RIN3: variants seen among roughly 807,000 people sequenced by gnomAD.
RIN3 encodes the protein Ras and Rab interactor 3.
RIN3 carries 54 observed loss-of-function variants against 76.3 expected under a neutral mutation model. The observed-to-expected ratio is 0.71, with a 90% confidence interval of 0.57 to 0.89. The LOEUF is 0.89. Ranked by LOEUF, RIN3 falls within the 40% of genes least tolerant of loss-of-function variation. RIN3 has a pLI of 0.00. For missense variants in RIN3, 1,256 were observed against 1,322.1 expected (o/e 0.95, Z 0.78); for synonymous variants, 576 against 564.0 (o/e 1.02, Z -0.30).
intron 1 of RIN3, among the ~76,000 whole-genome samples, chr14:92,550,363 T>C (rs1897390463): frequency 6.6e-6 from 1 of 152,242 alleles, no homozygotes; most frequent in Non-Finnish European, 1.5e-5. Flanking sequence ...CCCTCTTAAA[T>C]AAAGACAATT....
chr14:92,655,432 G>A (rs542531296), intron 6 of RIN3, among the ~76,000 whole-genome samples: 3 of 152,202 alleles, frequency 2.0e-5, no homozygotes, highest in Non-Finnish European at 4.4e-5. Flanking sequence ...ATTAGTGAGT[G>A]CATGTGGATG....
At chr14:92,552,415 G>C (rs1897452856) in intron 1 of RIN3, among the ~76,000 whole-genome samples, 2 of 152,274 alleles carry the variant, frequency 1.3e-5, no homozygotes, top group East Asian at 3.9e-4. Flanking sequence ...TCTTGCCAAG[G>C]AAGCCTGAGC....
At chr14:92,603,086 C>T (rs1885401965) in intron 3 of RIN3, among the ~76,000 whole-genome samples, 1 of 152,220 alleles carries the variant, frequency 6.6e-6, no homozygotes, top group Admixed American at 6.5e-5. Flanking sequence ...GCACTCGGCC[C>T]AGGGCCCTGG....
intron 7 of RIN3, among the ~76,000 whole-genome samples, chr14:92,664,630 A>G (rs138842584): frequency 0.025 from 3,830 of 151,908 alleles, 175 homozygotes; most frequent in African/African-American, 0.088. Context: ...TCGGCCTCCC[A>G]AAGTGCTGGG....
chr14:92,582,864 C>T (rs936623663), intron 3 of RIN3, among the ~76,000 whole-genome samples: 3 of 152,132 alleles, frequency 2.0e-5, no homozygotes, highest in African/African-American at 7.2e-5. Flanking sequence ...GTTTCTTTGC[C>T]GAGTTAATGT....
At chr14:92,668,232 C>T (rs1335890586) in intron 7 of RIN3, among the ~76,000 whole-genome samples, 1 of 152,196 alleles carries the variant, frequency 6.6e-6, no homozygotes, top group African/African-American at 2.4e-5. Context: ...GACTTGAACC[C>T]GGGTCCTTTG....
intron 2 of RIN3, among the ~76,000 whole-genome samples, chr14:92,562,135 G>C (rs1303906027): frequency 1.3e-5 from 2 of 152,224 alleles, no homozygotes; most frequent in Non-Finnish European, 2.9e-5. Flanking sequence ...ACAGTGATCA[G>C]GTATTTTGTA....
rs369913502 is a variant in RIN3, at chr14:92,676,541, C to A, written c.2402C>A (p.Thr801Lys). 6.8e-6 allele frequency: 11 copies of A among 1,614,022 alleles called. No homozygotes were observed. Among genetic ancestry groups the A allele is most frequent in the Non-Finnish European group, 9.3e-6 (11 of 1,180,024 alleles). The change falls in exon 8 of 10, where the codon ACG (threonine) becomes AAG (lysine). Residue 801 changes from threonine to lysine, a missense_variant. Coordinates refer to ENST00000216487, the MANE Select transcript of RIN3 (RefSeq NM_024832.5). Reference protein sequence around the residue: ...LMYVLARSNLTEMLLNVEYMM... With the variant: ...LMYVLARSNLKEMLLNVEYMM... ...TATGTGCTGGCCCGCAGCAACCTCA[C>A]GGAGATGCTTCTCAATGTGGAGTAC...
chr14:92,570,212 G>A lies in RIN3; in HGVS notation c.250-7148G>A, dbSNP rs189005457. Among the ~76,000 whole-genome samples the A allele has an allele frequency of 3.3e-5, 5 of 152,212 alleles. No homozygotes were observed. In the East Asian group the frequency reaches 9.7e-4, roughly 30 times the overall value. ...CTCCCACCCTGGCTCAGGGCCAGGG[G>A]TCAAAGTTTGCCTTCCCAGGGGCAC... is the stretch of plus-strand genomic sequence containing the variant. On this transcript the variant is annotated intron_variant, in intron 2 of 9. Transcript: ENST00000216487.
chr14:92,660,607 C>T (rs1331629432), intron 7 of RIN3, among the ~76,000 whole-genome samples: 1 of 152,226 alleles, frequency 6.6e-6, no homozygotes, highest in Non-Finnish European at 1.5e-5. Context: ...GCCTGCAAGG[C>T]CCATCGAGGC....
At chr14:92,604,894 C>T (rs1391693361) in intron 3 of RIN3, among the ~76,000 whole-genome samples, 1 of 139,926 alleles carries the variant, frequency 7.1e-6, no homozygotes, top group East Asian at 2.1e-4. Context: ...TGTCAATTTC[C>T]TTATCCATTT....
intron 3 of RIN3, among the ~76,000 whole-genome samples, chr14:92,597,138 G>T (rs1160966861): frequency 6.7e-6 from 1 of 149,806 alleles, no homozygotes; most frequent in Non-Finnish European, 1.5e-5. Flanking sequence ...CATGATGTGT[G>T]TGTGGGTCAA....
At position 92,643,699 on chromosome 14, in the gene RIN3, G is replaced by A. The variant is rs531034416; in HGVS notation, c.532+2370G>A. ...TCTCAGCACTTTGGGAGGCCGAGGC[G>A]GGCAGATAACCTGAAGTCAGGAGTT... On this transcript the variant is annotated intron_variant, in intron 5 of 9. Transcript: ENST00000216487. The surrounding 1 kb of genome is among the most constrained non-coding windows in gnomAD (Gnocchi z 4.8). 7.9e-5 allele frequency among the ~76,000 whole-genome samples: 12 copies of A among 152,268 alleles called. No individual in the cohort carries two copies. In the South Asian group the frequency reaches 1.7e-3, roughly 21 times the overall value.
intron 3 of RIN3, among the ~76,000 whole-genome samples, chr14:92,592,464 C>T (rs1885013974): frequency 6.6e-6 from 1 of 150,846 alleles, no homozygotes; most frequent in Non-Finnish European, 1.5e-5. Flanking sequence ...TCCAGGACCA[C>T]CTTCACAATT....
chr14:92,561,044 A>ATATATAT lies in RIN3; in HGVS notation c.249+5089_249+5090insTATATAT, dbSNP rs1410361225. Among the ~76,000 whole-genome samples the ATATATAT allele has an allele frequency of 2.1e-3, 51 of 24,388 alleles. 1 individual carries two copies. The highest frequency in any genetic ancestry group is 6.4e-3 in the African/African-American group (49 of 7,714). 16.0% of individuals were successfully genotyped at this position (24,388 alleles called of 152,430 possible). On this transcript the variant is annotated intron_variant, in intron 2 of 9. Transcript: ENST00000216487. Reference sequence around the variant, plus strand: ...CTAAAAAAAAAAAAAAAAAAAAAAAAATATATATATATCTGCCATATATAT... The same window carrying ATATATAT: ...CTAAAAAAAAAAAAAAAAAAAAAAAATATATATATATATATATATCTGCCATATATAT...
At chr14:92,533,039 A>T (rs930212883) in intron 1 of RIN3, among the ~76,000 whole-genome samples, 12 of 152,328 alleles carry the variant, frequency 7.9e-5, no homozygotes, top group African/African-American at 2.9e-4. Context: ...TTTCCAGAAG[A>T]ACTTTCCAAA....
At chr14:92,607,453 A>C (rs1885567801) in intron 3 of RIN3, among the ~76,000 whole-genome samples, 2 of 152,200 alleles carry the variant, frequency 1.3e-5, no homozygotes, top group South Asian at 4.1e-4. Context: ...CCATCTCTAC[A>C]AAAAATTTAA....
intron 1 of RIN3, among the ~76,000 whole-genome samples, chr14:92,518,443 A>G (rs1268717082): frequency 6.6e-6 from 1 of 151,858 alleles, no homozygotes; most frequent in Non-Finnish European, 1.5e-5. Context: ...GTAGGGGGAG[A>G]CCCAGGGCTT....
chr14:92,524,415 C>T (rs1021539797), intron 1 of RIN3, among the ~76,000 whole-genome samples: 1 of 152,206 alleles, frequency 6.6e-6, no homozygotes, highest in Non-Finnish European at 1.5e-5. Flanking sequence ...TTTGCCTAGC[C>T]TTGGGAAAGG....
Sources: gnomAD v4.1 joint callset for allele counts (sites outside exome capture counted in the v4.1 genomes callset) on GRCh38, gnomAD v4.1.1 for gene constraint, Gnocchi (gnomAD v3.1) non-coding constraint, MANE v1.5 for transcripts, NCBI Gene and HGNC (gene_info 2026-07-23, HGNC 2026-07-21) for gene names.